Variants in NCAM1 observed in about 807,000 individuals in gnomAD.
NCAM1 encodes antigen recognized by monoclonal antibody 5.1H11.
NCAM1 carries 14 observed loss-of-function variants against 109.8 expected under a neutral mutation model. The observed-to-expected ratio is 0.13, with a 90% CI of 0.08 to 0.20. The LOEUF is 0.20. Among genes scored for constraint, NCAM1 ranks in the 10% least tolerant of loss-of-function variants. NCAM1 has a pLI of 1.00. For synonymous variants in NCAM1, 418 were observed against 442.9 expected (o/e 0.94, Z 0.70); for missense variants, 774 against 1,109.9 (o/e 0.70, Z 4.30).
chr11:113,215,090 T>C (rs919921502), intron 8 of NCAM1, among the ~76,000 whole-genome samples: 1 of 152,330 alleles, frequency 6.6e-6, no homozygotes, highest in Middle Eastern at 3.4e-3. Flanking sequence ...GGTTTTTCAA[T>C]ATATTCATGG....
chr11:113,168,844 G>A (rs1392894179), intron 1 of NCAM1, among the ~76,000 whole-genome samples: 5 of 152,108 alleles, frequency 3.3e-5, no homozygotes, highest in African/African-American at 1.2e-4. Flanking sequence ...TTGGGGAGCT[G>A]GGAATCCAGA....
intron 1 of NCAM1, among the ~76,000 whole-genome samples, chr11:113,135,762 C>T (rs986011044): frequency 6.6e-6 from 1 of 152,158 alleles, no homozygotes; most frequent in Non-Finnish European, 1.5e-5. Flanking sequence ...TTCCACTTAC[C>T]GATTAGACTG....
chr11:113,036,176 G>A (rs1952877151), intron 1 of NCAM1, among the ~76,000 whole-genome samples: 1 of 152,012 alleles, frequency 6.6e-6, no homozygotes, highest in South Asian at 2.1e-4. Context: ...GCCACTCTTA[G>A]TAAATAACAT....
chr11:113,045,341 G>C (rs1555080617), intron 1 of NCAM1, among the ~76,000 whole-genome samples: 1 of 137,980 alleles, frequency 7.2e-6, no homozygotes, highest in East Asian at 3.2e-4. Context: ...ACGGCTGGGC[G>C]GTGAGAACTT....
chr11:113,032,780 T>C (rs1382603019), intron 1 of NCAM1, among the ~76,000 whole-genome samples: 1 of 152,246 alleles, frequency 6.6e-6, no homozygotes, highest in Non-Finnish European at 1.5e-5. Flanking sequence ...AGGTTTTGTT[T>C]TCTATGCAGT....
intron 9 of NCAM1, among the ~76,000 whole-genome samples, chr11:113,229,545 AC>A (rs1944942516): frequency 6.6e-6 from 1 of 152,202 alleles, no homozygotes; most frequent in South Asian, 2.1e-4. Context: ...GGGATCTAGA[AC>A]TAGAAATACC....
At chr11:113,193,042 C>T (rs1297049233) in intron 1 of NCAM1, among the ~76,000 whole-genome samples, 1 of 152,212 alleles carries the variant, frequency 6.6e-6, no homozygotes, top group Non-Finnish European at 1.5e-5. Context: ...CTATATAAGA[C>T]TGGGCTGATG....
chr11:113,215,133 C>A (rs1432368228), intron 8 of NCAM1, among the ~76,000 whole-genome samples: 1 of 152,088 alleles, frequency 6.6e-6, no homozygotes, highest in East Asian at 1.9e-4. Context: ...ACCTTCCTGG[C>A]AAATTAAAAT....
chr11:113,225,309 G>C (rs1944810540), intron 9 of NCAM1, among the ~76,000 whole-genome samples: 1 of 152,176 alleles, frequency 6.6e-6, no homozygotes, highest in Non-Finnish European at 1.5e-5. Flanking sequence ...TAACCAATTC[G>C]ATCAACTGGA....
intron 1 of NCAM1, among the ~76,000 whole-genome samples, chr11:113,198,549 T>C (rs782354420): frequency 6.6e-6 from 1 of 152,068 alleles, no homozygotes; most frequent in Non-Finnish European, 1.5e-5. Context: ...TTTTTTGTAC[T>C]TTTAGTAGAG....
intron 1 of NCAM1, among the ~76,000 whole-genome samples, chr11:113,167,708 G>A (rs11214525): frequency 0.064 from 9,730 of 152,130 alleles, 638 homozygotes; most frequent in African/African-American, 0.16. Context: ...CCTGGAGCCC[G>A]TGTTCTATGC....
intron 9 of NCAM1, among the ~76,000 whole-genome samples, chr11:113,225,274 T>C (rs939750366): frequency 2.0e-5 from 3 of 152,186 alleles, no homozygotes; most frequent in Admixed American, 6.5e-5. Context: ...GCACGAGAAC[T>C]ACATGATGAA....
chr11:113,192,156 G>A lies in NCAM1; in HGVS notation c.53-10223G>A, dbSNP rs540010919. On this transcript the variant is annotated intron_variant, in intron 1 of 19. Transcript: ENST00000316851. ...TTTATAGCTGGAAGAAAAGAACATCGACGAGTCATTTTGTCAAGGTTTCAG... is the reference window on the plus strand; with the variant it reads ...TTTATAGCTGGAAGAAAAGAACATCAACGAGTCATTTTGTCAAGGTTTCAG... Among the ~76,000 whole-genome samples, 8 of 152,266 alleles carry A rather than the reference G, an allele frequency of 5.3e-5. No individual in the cohort carries two copies. In the South Asian group the frequency reaches 1.5e-3, roughly 28 times the overall value.
At chr11:112,975,446 T>A (rs1950982197) in intron 1 of NCAM1, among the ~76,000 whole-genome samples, 1 of 152,018 alleles carries the variant, frequency 6.6e-6, no homozygotes, top group South Asian at 2.1e-4. Context: ...TTCAAAAAGT[T>A]TTTTGTTTAT....
At chr11:113,218,063 A>G (rs999210140) in intron 8 of NCAM1, among the ~76,000 whole-genome samples, 1 of 152,204 alleles carries the variant, frequency 6.6e-6, no homozygotes, top group African/African-American at 2.4e-5. Context: ...CCATGTGTAT[A>G]TTAAAAGTAA....
intron 1 of NCAM1, among the ~76,000 whole-genome samples, chr11:113,034,122 G>C (rs576465412): frequency 6.6e-6 from 1 of 152,254 alleles, no homozygotes; most frequent in East Asian, 1.9e-4. Context: ...CTCAAATCTA[G>C]TCGTGATAAT....
intron 1 of NCAM1, among the ~76,000 whole-genome samples, chr11:113,110,982 A>G (rs1376378070): frequency 2.0e-5 from 3 of 152,216 alleles, no homozygotes; most frequent in East Asian, 3.8e-4. Flanking sequence ...TCTAATCCCT[A>G]TAATGACTTT....
chr11:113,165,881 C>T (rs1251535151), intron 1 of NCAM1, among the ~76,000 whole-genome samples: 1 of 151,140 alleles, frequency 6.6e-6, no homozygotes, highest in East Asian at 1.9e-4. Flanking sequence ...GGCGTGATCT[C>T]GGCTCACTGC....
intron 14 of NCAM1, among the ~76,000 whole-genome samples, chr11:113,244,550 G>A (rs1459123331): frequency 1.3e-5 from 2 of 152,168 alleles, no homozygotes; most frequent in Middle Eastern, 3.2e-3. Flanking sequence ...GAATTGCAGT[G>A]GAACTAATAG....
Sources: allele counts gnomAD v4.1 joint callset (sites outside exome capture counted in the v4.1 genomes callset), GRCh38; gene constraint gnomAD v4.1.1; transcripts MANE v1.5; gene names NCBI Gene and HGNC (gene_info 2026-07-23, HGNC 2026-07-21).